Variants in RPRD1B observed in about 807,000 individuals in gnomAD.
The protein encoded by RPRD1B is regulation of nuclear pre-mRNA domain containing 1B.
In RPRD1B, 11 loss-of-function variants were observed where a neutral mutation model predicts 41.5. The observed-to-expected ratio is 0.27, with a 90% CI of 0.17 to 0.44. The LOEUF (loss-of-function observed/expected upper bound fraction) is 0.44. Among genes scored for constraint, RPRD1B ranks in the 20% least tolerant of loss-of-function variants. RPRD1B has a pLI of 1.00. For synonymous variants in RPRD1B, 158 were observed against 155.6 expected (o/e 1.02, Z -0.12); for missense variants, 248 against 389.9 (o/e 0.64, Z 3.06).
At chr20:38,049,837 TTCTA>T in intron 3 of RPRD1B, 2 of 470,472 alleles carry the variant, frequency 4.3e-6, no homozygotes, top group South Asian at 3.1e-5. Flanking sequence ...TGAAGACCCT[TTCTA>T]TCTGAACTAG....
intron 6 of RPRD1B, among the ~76,000 whole-genome samples, chr20:38,085,014 G>A (rs563533945): frequency 1.3e-5 from 2 of 152,274 alleles, no homozygotes; most frequent in South Asian, 4.2e-4. Context: ...CAGGTTTGCC[G>A]CAGTAGGTAC....
At chr20:38,073,873 C>T (rs2074434698) in intron 6 of RPRD1B, among the ~76,000 whole-genome samples, 1 of 152,216 alleles carries the variant, frequency 6.6e-6, no homozygotes, top group Admixed American at 6.5e-5. Context: ...CAGTGATCAT[C>T]CACTGTGTTC....
intron 6 of RPRD1B, among the ~76,000 whole-genome samples, chr20:38,080,367 G>A (rs931811212): frequency 3.3e-5 from 5 of 152,162 alleles, no homozygotes; most frequent in African/African-American, 1.2e-4. Context: ...CTTTGAGTTG[G>A]TTTTTATATA....
chr20:38,048,143 T>A (rs1341036776), intron 2 of RPRD1B, among the ~76,000 whole-genome samples: 2 of 152,226 alleles, frequency 1.3e-5, no homozygotes, highest in Non-Finnish European at 1.5e-5. Context: ...TGATTTCAAT[T>A]ATGGCATGAT....
intron 5 of RPRD1B, among the ~76,000 whole-genome samples, chr20:38,062,322 C>T (rs1363587007): frequency 6.6e-6 from 1 of 152,296 alleles, no homozygotes; most frequent in Admixed American, 6.5e-5. Flanking sequence ...CAGCCATTCT[C>T]ACCCAATTTC....
chr20:38,049,425 C>A (rs534551146), intron 3 of RPRD1B, among the ~76,000 whole-genome samples: 7 of 126,366 alleles, frequency 5.5e-5, no homozygotes, highest in Non-Finnish European at 7.8e-5. Flanking sequence ...GGCTGGAGTG[C>A]GGTGGTATGA....
At chr20:38,055,296 C>G (rs2074227666) in intron 3 of RPRD1B, among the ~76,000 whole-genome samples, 2 of 152,274 alleles carry the variant, frequency 1.3e-5, no homozygotes, top group South Asian at 4.1e-4. Context: ...ACAAGGGTTG[C>G]CTTCTTCTGG....
At chr20:38,086,741 G>A (rs752295286) in intron 6 of RPRD1B, among the ~76,000 whole-genome samples, 2 of 152,170 alleles carry the variant, frequency 1.3e-5, no homozygotes, top group Admixed American at 6.5e-5. Flanking sequence ...GCGTCCCTGC[G>A]AGAAGAGTCA....
intron 3 of RPRD1B, among the ~76,000 whole-genome samples, chr20:38,051,683 G>C (rs1421468244): frequency 6.6e-6 from 1 of 152,214 alleles, no homozygotes; most frequent in Non-Finnish European, 1.5e-5. Context: ...AGGAATTTGT[G>C]AGTAGGTTAC....
chr20:38,092,328 A>G lies in RPRD1B; in HGVS notation c.*2453A>G, dbSNP rs1052162389. On this transcript the variant is annotated 3_prime_UTR_variant, in exon 7 of 7. Transcript: ENST00000373433. The stretch of plus-strand genomic sequence containing the variant: ...CAGTATATTCTGAAATGTCTCATAG[A>G]TATATATTTTTGAATAAAGATGGTG... The G allele has an allele frequency of 3.0e-6, 3 of 984,250 alleles. No homozygotes were observed. Among genetic ancestry groups the G allele is most frequent in the Non-Finnish European group, 3.6e-6 (3 of 828,682 alleles). 61.0% of individuals were successfully genotyped at this position (984,250 alleles called of 1,614,324 possible).
intron 6 of RPRD1B, among the ~76,000 whole-genome samples, chr20:38,066,929 A>G (rs2074363685): frequency 6.6e-6 from 1 of 152,170 alleles, no homozygotes; most frequent in African/African-American, 2.4e-5. Context: ...TGCTGGGATT[A>G]CAGGTGTGAG....
intron 6 of RPRD1B, among the ~76,000 whole-genome samples, chr20:38,067,999 G>C (rs923987708): frequency 2.0e-5 from 3 of 152,228 alleles, no homozygotes; most frequent in Non-Finnish European, 4.4e-5. Context: ...TGAGGAGATC[G>C]GGTTGGTAGA....
At chr20:38,055,450 GT>G (rs368884397) in intron 3 of RPRD1B, among the ~76,000 whole-genome samples, 28 of 145,776 alleles carry the variant, frequency 1.9e-4, no homozygotes, top group Middle Eastern at 3.5e-3. Context: ...TTAGCATGCA[GT>G]TTTTTTTTTT....
chr20:38,049,366 TC>T (rs2074157085), intron 3 of RPRD1B, among the ~76,000 whole-genome samples: 2 of 134,996 alleles, frequency 1.5e-5, no homozygotes, highest in Admixed American at 7.4e-5. Context: ...TTTCTTTTTT[TC>T]TTTTTTTTTT....
intron 1 of RPRD1B, among the ~76,000 whole-genome samples, chr20:38,038,132 G>T (rs1162895188): frequency 6.6e-6 from 1 of 152,144 alleles, no homozygotes; most frequent in South Asian, 2.1e-4. Flanking sequence ...AAAGCTCCAG[G>T]TTCCTAGTAT....
intron 1 of RPRD1B, 44 bp downstream of exon 1, chr20:38,034,142 C>T (rs1427570475): frequency 3.1e-6 from 5 of 1,589,464 alleles, no homozygotes; most frequent in South Asian, 2.3e-5. Flanking sequence ...CCGGATTGTC[C>T]TCTCGCCCAC....
intron 3 of RPRD1B, chr20:38,049,939 A>T: frequency 4.5e-6 from 2 of 440,058 alleles, no homozygotes; most frequent in South Asian, 3.4e-5. Context: ...TACCCTCTGG[A>T]TGCTCTGTTG....
intron 3 of RPRD1B, 180 bp downstream of exon 3, chr20:38,048,661 A>G (rs1600397486): frequency 2.2e-6 from 2 of 898,228 alleles, no homozygotes; most frequent in South Asian, 5.1e-5. Context: ...GCCTGGTTCT[A>G]GTATTCATGC....
intron 3 of RPRD1B, among the ~76,000 whole-genome samples, chr20:38,053,522 G>C (rs905284324): frequency 3.9e-5 from 6 of 152,220 alleles, no homozygotes; most frequent in Non-Finnish European, 5.9e-5. Flanking sequence ...GGCCAGAGTA[G>C]CAAGGCCAGG....
Sources: allele counts gnomAD v4.1 joint callset (sites outside exome capture counted in the v4.1 genomes callset), GRCh38; gene constraint gnomAD v4.1.1; transcripts MANE v1.5; gene names NCBI Gene and HGNC (gene_info 2026-07-23, HGNC 2026-07-21).